SH3BP4: variants seen among roughly 807,000 people sequenced by gnomAD.
SH3BP4 encodes SH3 domain-binding protein 4.
A neutral mutation model predicts 65.5 loss-of-function variants in SH3BP4; 33 were observed. The observed-to-expected ratio is 0.50, with a 90% CI of 0.38 to 0.67. The LOEUF (loss-of-function observed/expected upper bound fraction) is 0.67. Ranked by LOEUF, SH3BP4 falls within the 30% of genes least tolerant of loss-of-function variation. The pLI, the probability that SH3BP4 is intolerant of heterozygous loss-of-function variation, is 0.00. For missense variants in SH3BP4, 1,134 were observed against 1,261.4 expected (o/e 0.90, Z 1.53); for synonymous variants, 552 against 545.5 (o/e 1.01, Z -0.17).
At chr2:234,987,835 C>T (rs1693616059) in intron 1 of SH3BP4, among the ~76,000 whole-genome samples, 1 of 152,100 alleles carries the variant, frequency 6.6e-6, no homozygotes, top group Non-Finnish European at 1.5e-5. Flanking sequence ...CAAGGAAAAG[C>T]CGAGTGTGCA....
chr2:234,971,327 G>A (rs975264705), intron 1 of SH3BP4, among the ~76,000 whole-genome samples: 2 of 152,186 alleles, frequency 1.3e-5, no homozygotes, highest in Non-Finnish European at 2.9e-5. Flanking sequence ...GGCCTATCAT[G>A]TTACAGTTGA....
rs965966732 is a variant in SH3BP4 at position 234,997,161 on chromosome 2, G to A, written c.-133+1785G>A. Among the ~76,000 whole-genome samples the A allele has an allele frequency of 4.6e-5, 7 of 152,184 alleles. No homozygotes were observed. The highest frequency in any genetic ancestry group is 1.9e-4 in the East Asian group (1 of 5,182). On this transcript the variant is annotated intron_variant, in intron 2 of 5. Coordinates refer to ENST00000392011, the MANE Select transcript of SH3BP4 (RefSeq NM_014521.3). This position sits in a 1 kb window ranked among gnomAD's most constrained non-coding sequence, Gnocchi z 4.2. ...GTGGGGTGTAGGGGTGCTTGGGGGCGTGGGTCCCCACAGCAGTTAGAGACC... is the reference window on the plus strand; with the variant it reads ...GTGGGGTGTAGGGGTGCTTGGGGGCATGGGTCCCCACAGCAGTTAGAGACC...
intron 1 of SH3BP4, among the ~76,000 whole-genome samples, chr2:234,972,122 TTTTTGTTTTTTG>T (rs1480233550): frequency 4.8e-5 from 7 of 145,916 alleles, no homozygotes; most frequent in African/African-American, 1.4e-4. Flanking sequence ...GCCTTTTTTT[TTTTTGTTTTTTG>T]TTTTTTTTTT....
chr2:235,043,742 C>A (rs1473885618), intron 4 of SH3BP4, among the ~76,000 whole-genome samples: 1 of 146,430 alleles, frequency 6.8e-6, no homozygotes, highest in East Asian at 2.1e-4. Context: ...TTTCGCCTTC[C>A]CAATATGCGT....
At chr2:235,044,143 C>T (rs151072894) in intron 4 of SH3BP4, among the ~76,000 whole-genome samples, 1 of 152,224 alleles carries the variant, frequency 6.6e-6, no homozygotes, top group African/African-American at 2.4e-5. Context: ...GCCTTTGCTT[C>T]CTTGAAGCTT....
rs559770160 is a variant in SH3BP4 at position 234,976,501 on chromosome 2, C to T, written c.-206-18802C>T. Among the ~76,000 whole-genome samples, 49 of 152,136 alleles carry T rather than the reference C, an allele frequency of 3.2e-4. No homozygotes were observed. Among genetic ancestry groups the T allele is most frequent in the African/African-American group, 1.1e-3 (45 of 41,490 alleles). On this transcript the variant is annotated intron_variant, in intron 1 of 5. Transcript: ENST00000392011. This position sits in a 1 kb window ranked among gnomAD's most constrained non-coding sequence, Gnocchi z 4.7. ...GCTGCCTGCAGTTAAGCAGGGCTAC[C>T]GTCTCTCGGCCCGGGGCTTCTTGTT...
chr2:235,025,255 G>A (rs1442842276), intron 2 of SH3BP4, among the ~76,000 whole-genome samples: 2 of 152,294 alleles, frequency 1.3e-5, no homozygotes, highest in South Asian at 2.1e-4. Flanking sequence ...TGAGGGCGGG[G>A]AAGGAAGATG....
At position 235,041,374 on chromosome 2, in the gene SH3BP4, T is replaced by C; in HGVS notation, c.605T>C (p.Phe202Ser). Residue 202 changes from phenylalanine (F) to serine (S), a missense_variant, in exon 4 of 6, where the codon TTC becomes TCC. Coordinates refer to ENST00000392011, the MANE Select transcript of SH3BP4 (RefSeq NM_014521.3). This position sits in a 1 kb window ranked among gnomAD's most constrained non-coding sequence, Gnocchi z 6.0. Reference sequence around the variant, plus strand: ...CTTTTTGACGCAGGTACATCCTCCTTCACCGAATCCAGCTCAGCCACCACG... The same window carrying C: ...CTTTTTGACGCAGGTACATCCTCCTCCACCGAATCCAGCTCAGCCACCACG... ...LLLFDAGTSS[F>S]TESSSATTNS... 3 of 1,614,208 alleles carry C rather than the reference T, an allele frequency of 1.9e-6. 1 individual carries two copies. Among genetic ancestry groups the C allele is most frequent in the East Asian group, 4.5e-5 (2 of 44,868 alleles).
At chr2:235,008,155 T>C (rs1211463746) in intron 2 of SH3BP4, among the ~76,000 whole-genome samples, 1 of 152,102 alleles carries the variant, frequency 6.6e-6, no homozygotes, top group Non-Finnish European at 1.5e-5. Context: ...TGGGATCTGG[T>C]GCCCGGAGAG....
rs562190833 is a variant in SH3BP4, at chr2:235,042,369, C to T, written c.1600C>T (p.Pro534Ser). Residue 534 changes from proline to serine, a missense_variant, in exon 4 of 6, where the codon CCC becomes TCC. Physicochemically the swap from Pro to Ser is moderately conservative, Grantham distance 74. Transcript: ENST00000392011. The surrounding 1 kb of genome is among the most constrained non-coding windows in gnomAD (Gnocchi z 7.3). ...WGKHQFVLSR[P>S]QDLKVCMFSN... ...GAAGCACCAGTTCGTTTTGTCCAGG[C>T]CCCAGGATCTCAAGGTCTGTATGTT... The T allele has an allele frequency of 6.2e-7, 1 of 1,614,136 alleles. No individual in the cohort carries two copies. Among genetic ancestry groups the T allele is most frequent in the African/African-American group, 1.3e-5 (1 of 75,020 alleles).
chr2:235,020,056 C>T lies in SH3BP4; in HGVS notation c.-132-14815C>T, dbSNP rs1025582084. 4.6e-5 allele frequency among the ~76,000 whole-genome samples: 7 copies of T among 152,150 alleles called. No homozygotes were observed. The South Asian group carries it at 6.2e-4, about 14-fold the overall frequency. On this transcript the variant is annotated intron_variant, in intron 2 of 5. Coordinates refer to ENST00000392011, the MANE Select transcript of SH3BP4 (RefSeq NM_014521.3). ...CCGAATCTAGGAAGATTCTTCTTTG[C>T]GACATAAGAGAAAGAACGGGAAAGG...
intron 2 of SH3BP4, among the ~76,000 whole-genome samples, chr2:235,003,271 A>G (rs1054345679): frequency 2.0e-5 from 3 of 152,220 alleles, no homozygotes; most frequent in Admixed American, 1.3e-4. Context: ...GTGACCGAGG[A>G]GAACTCTCCC....
In SH3BP4 at chr2:235,042,826, T is replaced by C. The variant is rs1695715742; in HGVS notation, c.2057T>C (p.Leu686Pro). 1 of 1,613,828 alleles carries C rather than the reference T, an allele frequency of 6.2e-7. No individual in the cohort carries two copies. Among genetic ancestry groups the C allele is most frequent in the African/African-American group, 1.3e-5 (1 of 74,920 alleles). ...AAGAAGGGCGACGGGATCGCCCTGC[T>C]CAGCGAGGAGCGGGTCAGGCTCCGG... Reference protein sequence around the residue: ...EYKKGDGIALLSEERVRLRGQ... With the variant: ...EYKKGDGIALPSEERVRLRGQ... Residue 686 changes from leucine to proline, a missense_variant, in exon 4 of 6, where the codon CTC (leucine) becomes CCC (proline). Coordinates refer to ENST00000392011, the MANE Select transcript of SH3BP4 (RefSeq NM_014521.3). The surrounding 1 kb of genome is among the most constrained non-coding windows in gnomAD (Gnocchi z 7.3).
intron 1 of SH3BP4, chr2:234,983,152 C>G (rs1258478134): frequency 6.6e-6 from 1 of 152,280 alleles, no homozygotes; most frequent in Non-Finnish European, 1.5e-5. Context: ...TGCCCGCAGG[C>G]CATACAGGCC....
chr2:235,005,942 G>A (rs950724224), intron 2 of SH3BP4, among the ~76,000 whole-genome samples: 9 of 152,220 alleles, frequency 5.9e-5, no homozygotes, highest in Admixed American at 2.6e-4. Context: ...CCGCTCTTGC[G>A]TGCCCGCCTG....
chr2:234,984,526 G>A (rs757040274), intron 1 of SH3BP4, among the ~76,000 whole-genome samples: 3 of 152,184 alleles, frequency 2.0e-5, no homozygotes, highest in Admixed American at 2.0e-4. Context: ...GTGTAAAAAT[G>A]TCAGATGAGG....
intron 3 of SH3BP4, among the ~76,000 whole-genome samples, chr2:235,036,740 A>AAAAAAATAATAATAATAATAATAAT (rs146049108): frequency 2.8e-5 from 4 of 141,772 alleles, no homozygotes; most frequent in South Asian, 4.6e-4. Flanking sequence ...TCTATATAAA[A>AAAAAAATAATAATAATAATAATAAT]AATAATAATA....
intron 1 of SH3BP4, among the ~76,000 whole-genome samples, chr2:234,982,238 G>A (rs1470063553): frequency 6.6e-6 from 1 of 152,224 alleles, no homozygotes; most frequent in East Asian, 1.9e-4. Context: ...TCTCCCAGCT[G>A]AGCGGGGCAT....
intron 1 of SH3BP4, among the ~76,000 whole-genome samples, chr2:234,960,665 G>A (rs1484995900): frequency 6.6e-6 from 1 of 152,212 alleles, no homozygotes; most frequent in African/African-American, 2.4e-5. Context: ...GCACACACTT[G>A]AAATGCTCAG....
Sources: gnomAD v4.1 joint callset for allele counts (sites outside exome capture counted in the v4.1 genomes callset) on GRCh38, gnomAD v4.1.1 for gene constraint, Gnocchi (gnomAD v3.1) non-coding constraint, MANE v1.5 for transcripts, NCBI Gene and HGNC (gene_info 2026-07-23, HGNC 2026-07-21) for gene names.